ARHGAP10: variants seen among roughly 807,000 people sequenced by gnomAD.
The protein encoded by ARHGAP10 is Rho GTPase activating protein 10, also known as rho GTPase-activating protein 10.
ARHGAP10 carries 87 observed loss-of-function variants against 108.6 expected under a neutral mutation model. The ratio of observed to expected loss-of-function variants is 0.80; its 90% CI spans 0.67 to 0.96. The LOEUF is 0.96. Among genes scored for constraint, ARHGAP10 ranks in the 40% least tolerant of loss-of-function variants. The pLI, the probability that ARHGAP10 is intolerant of heterozygous loss-of-function variation, is 0.00. For missense variants in ARHGAP10, 939 were observed against 954.5 expected, an observed-to-expected ratio of 0.98 and a Z score of 0.21; for synonymous variants, 347 against 341.1, an observed-to-expected ratio of 1.02 and a Z score of -0.19.
At chr4:147,894,223 T>G (rs1416891681) in intron 10 of ARHGAP10, among the ~76,000 whole-genome samples, 2 of 152,226 alleles carry the variant, frequency 1.3e-5, no homozygotes, top group Non-Finnish European at 2.9e-5. Flanking sequence ...TACCCTCCCA[T>G]CAGCAGTGTA....
intron 22 of ARHGAP10, among the ~76,000 whole-genome samples, chr4:148,068,537 C>T (rs915280398): frequency 9.9e-5 from 15 of 152,116 alleles, no homozygotes; most frequent in African/African-American, 2.2e-4. Context: ...GATGACTATG[C>T]GCTTCTGACT....
At chr4:147,767,005 C>T (rs181180581) in intron 1 of ARHGAP10, among the ~76,000 whole-genome samples, 6 of 151,738 alleles carry the variant, frequency 4.0e-5, no homozygotes, top group African/African-American at 1.2e-4. Flanking sequence ...CCTGCCACCA[C>T]GCCCAGATAA....
chr4:148,030,063 A>G (rs1452423538), intron 19 of ARHGAP10, among the ~76,000 whole-genome samples: 1 of 150,928 alleles, frequency 6.6e-6, no homozygotes, highest in Non-Finnish European at 1.5e-5. Context: ...TTCCTATGTA[A>G]TTTTAACTGT....
intron 3 of ARHGAP10, among the ~76,000 whole-genome samples, chr4:147,831,305 C>T (rs1007160429): frequency 3.3e-5 from 5 of 152,170 alleles, no homozygotes; most frequent in Non-Finnish European, 5.9e-5. Flanking sequence ...GGATTTGAGA[C>T]TATAGCTGGT....
At chr4:147,733,115 C>G (rs978293460) in intron 1 of ARHGAP10, among the ~76,000 whole-genome samples, 2 of 152,118 alleles carry the variant, frequency 1.3e-5, no homozygotes, top group African/African-American at 2.4e-5. Context: ...GACAGCCTGC[C>G]CTCTAGCCTA....
intron 19 of ARHGAP10, among the ~76,000 whole-genome samples, chr4:148,044,971 A>G (rs956147437): frequency 1.4e-4 from 22 of 152,202 alleles, no homozygotes; most frequent in African/African-American, 3.9e-4. Flanking sequence ...AAGAGCAATC[A>G]TAGTCTTCTA....
intron 19 of ARHGAP10, among the ~76,000 whole-genome samples, chr4:148,041,082 G>A (rs1728615626): frequency 6.6e-6 from 1 of 152,108 alleles, no homozygotes; most frequent in Non-Finnish European, 1.5e-5. Context: ...ATGACTGTGA[G>A]GTTTGCTTAA....
chr4:147,962,443 G>C (rs1406581821), intron 16 of ARHGAP10, among the ~76,000 whole-genome samples: 1 of 152,246 alleles, frequency 6.6e-6, no homozygotes, highest in East Asian at 1.9e-4. Flanking sequence ...TTAAGATATT[G>C]TTTCATTTTG....
intron 1 of ARHGAP10, among the ~76,000 whole-genome samples, chr4:147,815,748 C>T (rs1732215501): frequency 6.6e-6 from 1 of 152,116 alleles, no homozygotes; most frequent in South Asian, 2.1e-4. Context: ...TGCCTGTAGT[C>T]CCAGCTACTC....
At chr4:148,009,700 G>A (rs982120972) in intron 18 of ARHGAP10, among the ~76,000 whole-genome samples, 2 of 152,140 alleles carry the variant, frequency 1.3e-5, no homozygotes, top group African/African-American at 2.4e-5. Flanking sequence ...CGTTTTTTAA[G>A]TAATCAATCC....
At chr4:147,900,543 C>T (rs751429027) in intron 10 of ARHGAP10, among the ~76,000 whole-genome samples, 2 of 151,996 alleles carry the variant, frequency 1.3e-5, no homozygotes, top group Non-Finnish European at 2.9e-5. Flanking sequence ...GATGAGTTAT[C>T]CAGAGCTTAA....
At chr4:148,005,942 C>T (rs113027493) in intron 18 of ARHGAP10, among the ~76,000 whole-genome samples, 1 of 152,208 alleles carries the variant, frequency 6.6e-6, no homozygotes, top group Non-Finnish European at 1.5e-5. Context: ...ATACATGTAT[C>T]TCTTAGTGCA....
chr4:147,812,746 A>G (rs1170077996), intron 1 of ARHGAP10, among the ~76,000 whole-genome samples: 1 of 152,118 alleles, frequency 6.6e-6, no homozygotes, highest in Non-Finnish European at 1.5e-5. Flanking sequence ...GCATATTTTG[A>G]TGGTTTAGAC....
rs1349671635 is a variant in ARHGAP10 at position 147,868,067 on chromosome 4, C to T, written c.702+1251C>T. 2.0e-5 allele frequency among the ~76,000 whole-genome samples: 3 copies of T among 151,760 alleles called. No homozygotes were observed. In the East Asian group the frequency reaches 5.8e-4, roughly 29 times the overall value. On this transcript the variant is annotated intron_variant, in intron 7 of 22. Transcript: ENST00000336498. ...TAATGATAGAGTTCTGGAGTAGATT[C>T]TTTTTCTGCTGCTGTGGTCTCACAA...
chr4:148,046,855 G>A (rs752266369), intron 19 of ARHGAP10, 37 bp from the exon 20 acceptor site: 1 of 1,585,200 alleles, frequency 6.3e-7, no homozygotes, highest in East Asian at 2.2e-5. Flanking sequence ...TCTTCTCCAG[G>A]TATTTGTTTG....
At chr4:147,887,848 C>T (rs938805479) in intron 10 of ARHGAP10, among the ~76,000 whole-genome samples, 11 of 150,624 alleles carry the variant, frequency 7.3e-5, no homozygotes, top group South Asian at 2.1e-4. Flanking sequence ...GGCGACAGAG[C>T]GAGACTCCAT....
At chr4:148,045,559 A>G (rs1728838366) in intron 19 of ARHGAP10, among the ~76,000 whole-genome samples, 1 of 151,830 alleles carries the variant, frequency 6.6e-6, no homozygotes, top group Non-Finnish European at 1.5e-5. Context: ...CTTAACATGA[A>G]GAAACCCTGT....
At chr4:147,752,419 A>G (rs1031802427) in intron 1 of ARHGAP10, among the ~76,000 whole-genome samples, 2 of 152,202 alleles carry the variant, frequency 1.3e-5, no homozygotes, top group Non-Finnish European at 2.9e-5. Context: ...TTTTATTTGC[A>G]TTACAAAAAA....
At chr4:147,880,292 T>C (rs529217997) in intron 9 of ARHGAP10, among the ~76,000 whole-genome samples, 10 of 152,348 alleles carry the variant, frequency 6.6e-5, no homozygotes, top group Admixed American at 6.5e-4. Context: ...AAGAAAAACC[T>C]ATGTTCACTT....
Sources: gnomAD v4.1 joint callset for allele counts (sites outside exome capture counted in the v4.1 genomes callset) on GRCh38, gnomAD v4.1.1 for gene constraint, MANE v1.5 for transcripts, NCBI Gene and HGNC (gene_info 2026-07-23, HGNC 2026-07-21) for gene names.